Variants in KLHL8 observed in about 807,000 individuals in gnomAD.
The protein encoded by KLHL8 is kelch-like protein 8.
Under a neutral mutation model 63.5 loss-of-function variants are expected in KLHL8, and 38 were observed. That is an observed-to-expected ratio of 0.60 (90% CI 0.46 to 0.78). KLHL8 has a LOEUF of 0.78. KLHL8 is among the 30% of genes least tolerant of loss of function. The probability of loss-of-function intolerance (pLI) is 0.00; values close to 1 mark genes in which losing one functional copy is unlikely to be tolerated. For synonymous variants in KLHL8, 224 were observed against 254.3 expected (o/e 0.88, Z 1.13); for missense variants, 566 against 752.4 (o/e 0.75, Z 2.90).
intron 1 of KLHL8, among the ~76,000 whole-genome samples, chr4:87,226,986 A>T (rs866918127): frequency 1.7e-5 from 1 of 59,376 alleles, no homozygotes; most frequent in African/African-American, 5.9e-5. Flanking sequence ...AATAATATAT[A>T]ATATATAAAT....
At chr4:87,211,608 A>C (rs1436926779) in intron 1 of KLHL8, among the ~76,000 whole-genome samples, 1 of 152,342 alleles carries the variant, frequency 6.6e-6, no homozygotes, top group East Asian at 1.9e-4. Context: ...CCTGGACAAC[A>C]AAGCAAAACC....
At chr4:87,214,415 G>GAGATAT (rs1732512148) in intron 1 of KLHL8, among the ~76,000 whole-genome samples, 2 of 93,112 alleles carry the variant, frequency 2.1e-5, no homozygotes, top group Admixed American at 2.5e-4. Flanking sequence ...GCACATAACA[G>GAGATAT]ATATATATAT....
chr4:87,201,441 G>A (rs183996429), intron 1 of KLHL8, among the ~76,000 whole-genome samples: 4 of 152,240 alleles, frequency 2.6e-5, no homozygotes, highest in Admixed American at 6.5e-5. Context: ...AATTATAATT[G>A]AAGAGATTTA....
chr4:87,226,138 A>T (rs186984711), intron 1 of KLHL8, among the ~76,000 whole-genome samples: 1 of 152,356 alleles, frequency 6.6e-6, no homozygotes, highest in Admixed American at 6.5e-5. Context: ...TGTGCCACAT[A>T]CTTCTGAGCA....
rs765167374 is a variant in KLHL8, at chr4:87,178,492, C to T, written c.1081G>A (p.Val361Ile). 5 of 1,610,084 alleles carry T rather than the reference C, an allele frequency of 3.1e-6. No homozygotes were observed. The East Asian group carries it at 9.0e-5, about 29-fold the overall frequency. The change falls in exon 5 of 10, where the codon GTA becomes ATA. Residue 361 changes from valine to isoleucine, a missense_variant. By Grantham distance (29) the Val-to-Ile change is conservative. Coordinates refer to ENST00000273963, the MANE Select transcript of KLHL8 (RefSeq NM_020803.5). ...EMNSRRRHVG[V>I]ISVEGKVYAV... ...GTGGACCCACCTTCCACAGAGATTA[C>T]ACCCACATGTCGCCTTCGACTATTC...
chr4:87,211,961 A>C (rs1732423293), intron 1 of KLHL8, among the ~76,000 whole-genome samples: 1 of 152,234 alleles, frequency 6.6e-6, no homozygotes, highest in Admixed American at 6.5e-5. Context: ...AAGACCAACA[A>C]TAACATGGCC....
intron 1 of KLHL8, among the ~76,000 whole-genome samples, chr4:87,216,474 G>T (rs1404296429): frequency 6.6e-6 from 1 of 152,134 alleles, no homozygotes; most frequent in African/African-American, 2.4e-5. Context: ...ACAAGGTCAT[G>T]ATGCTCTTTT....
At chr4:87,183,952 C>T (rs1433819862) in intron 3 of KLHL8, among the ~76,000 whole-genome samples, 1 of 152,146 alleles carries the variant, frequency 6.6e-6, no homozygotes. Flanking sequence ...GAGGCATTCA[C>T]CATTCCTCTA....
chr4:87,196,429 A>G (rs1731704129), intron 1 of KLHL8, among the ~76,000 whole-genome samples: 1 of 152,192 alleles, frequency 6.6e-6, no homozygotes, highest in Non-Finnish European at 1.5e-5. Flanking sequence ...TAGATTCTGA[A>G]GTCAGACTAT....
chr4:87,170,275 C>T (rs746717698), intron 7 of KLHL8, 37 bp from the exon 8 acceptor site: 44 of 1,572,594 alleles, frequency 2.8e-5, no homozygotes, highest in Middle Eastern at 1.7e-4. Flanking sequence ...CATTAGATTT[C>T]GAATTTATTT....
chr4:87,226,758 T>TTA (rs1733002439), intron 1 of KLHL8, among the ~76,000 whole-genome samples: 1 of 7,692 alleles, frequency 1.3e-4, no homozygotes, highest in African/African-American at 5.5e-4. Context: ...ATATATATTA[T>TTA]TTATATATAA....
At chr4:87,187,514 G>T in intron 2 of KLHL8, among the ~76,000 whole-genome samples, 1 of 150,680 alleles carries the variant, frequency 6.6e-6, no homozygotes, top group Non-Finnish European at 1.5e-5. Flanking sequence ...CAGAGTATTA[G>T]GCATTTGTCA....
At chr4:87,213,134 A>G (rs535758746) in intron 1 of KLHL8, among the ~76,000 whole-genome samples, 2 of 152,334 alleles carry the variant, frequency 1.3e-5, no homozygotes, top group South Asian at 4.1e-4. Flanking sequence ...CCTTACAGTA[A>G]TCATTTCCTT....
intron 1 of KLHL8, among the ~76,000 whole-genome samples, chr4:87,216,168 G>T (rs1255121509): frequency 1.3e-5 from 2 of 152,158 alleles, no homozygotes; most frequent in South Asian, 4.1e-4. Context: ...AAGAAGAGAG[G>T]AGTAGACAAT....
At chr4:87,181,272 CA>C (rs1291883588) in intron 4 of KLHL8, among the ~76,000 whole-genome samples, 1,047 of 101,568 alleles carry the variant, frequency 0.01, 13 homozygotes, top group African/African-American at 0.035. Context: ...AGTAAAAATA[CA>C]AAAAAAAAAA....
intron 1 of KLHL8, among the ~76,000 whole-genome samples, chr4:87,205,861 G>T (rs145846561): frequency 3.3e-5 from 5 of 152,300 alleles, no homozygotes; most frequent in African/African-American, 1.2e-4. Flanking sequence ...GTAAGTGGTG[G>T]AGCCAGGATG....
chr4:87,230,492 A>G (rs1733117379), intron 1 of KLHL8, among the ~76,000 whole-genome samples: 1 of 152,208 alleles, frequency 6.6e-6, no homozygotes, highest in Non-Finnish European at 1.5e-5. Flanking sequence ...AGATCACCTC[A>G]TTCCAACTGT....
In KLHL8 at chr4:87,178,489, T is replaced by G. The variant is rs182226004; in HGVS notation, c.1084A>C (p.Ile362Leu). 2 of 1,609,810 alleles carry G rather than the reference T, an allele frequency of 1.2e-6. No individual in the cohort carries two copies. Among genetic ancestry groups the G allele is most frequent in the Non-Finnish European group, 1.7e-6 (2 of 1,179,146 alleles). The change falls in exon 5 of 10, where the codon ATC becomes CTC. Residue 362 changes from isoleucine to leucine, a missense_variant. Coordinates refer to ENST00000273963, the MANE Select transcript of KLHL8 (RefSeq NM_020803.5). ...MNSRRRHVGV[I>L]SVEGKVYAVG... ...AGAGTGGACCCACCTTCCACAGAGA[T>G]TACACCCACATGTCGCCTTCGACTA...
intron 1 of KLHL8, 117 bp from the exon 2 acceptor site, chr4:87,195,807 A>G (rs572017744): frequency 6.9e-6 from 2 of 291,300 alleles, no homozygotes; most frequent in South Asian, 2.0e-4. Context: ...TTATAAAAGA[A>G]CAAAAACTTT....
Sources: allele counts gnomAD v4.1 joint callset (sites outside exome capture counted in the v4.1 genomes callset), GRCh38; gene constraint gnomAD v4.1.1; transcripts MANE v1.5; gene names NCBI Gene and HGNC (gene_info 2026-07-23, HGNC 2026-07-21).